The following SECISBP2L variants were observed in gnomAD, a reference collection of about 807,000 sequenced individuals.
The protein encoded by SECISBP2L is selenocysteine insertion sequence-binding protein 2-like.
SECISBP2L carries 43 observed loss-of-function variants against 114.7 expected under a neutral mutation model. The observed-to-expected ratio is 0.38, with a 90% CI of 0.29 to 0.48. The LOEUF (loss-of-function observed/expected upper bound fraction) is 0.48, where lower values mean the gene tolerates loss of function less well. SECISBP2L is among the 20% of genes least tolerant of loss of function. The pLI is 0.98. For synonymous variants in SECISBP2L, 451 were observed against 439.7 expected (o/e 1.03, Z -0.32); for missense variants, 1,136 against 1,301.1 (o/e 0.87, Z 1.95).
chr15:49,021,024 C>A (rs1902631176), intron 7 of SECISBP2L, among the ~76,000 whole-genome samples: 1 of 151,926 alleles, frequency 6.6e-6, no homozygotes, highest in Non-Finnish European at 1.5e-5. Context: ...CCCAATACGC[C>A]CTCCGCCCAC....
Position 48,992,222 on chromosome 15 carries a change from T to G in SECISBP2L, c.*22A>C. On this transcript the variant is annotated 3_prime_UTR_variant, in exon 18 of 18. Coordinates refer to ENST00000559471, the MANE Select transcript of SECISBP2L (RefSeq NM_001193489.2). ...GCTGCAACCCTTCCACAGCTGGAGA[T>G]AGAGAGCCGACATTTCCTGAGTTAC... is the stretch of plus-strand genomic sequence containing the variant. The G allele has an allele frequency of 1.9e-6, 3 of 1,575,228 alleles. No homozygotes were observed. Among genetic ancestry groups the G allele is most frequent in the Non-Finnish European group, 2.6e-6 (3 of 1,160,070 alleles).
At chr15:48,999,749 A>C in intron 16 of SECISBP2L, 84 bp downstream of exon 16, 1 of 1,447,518 alleles carries the variant, frequency 6.9e-7, no homozygotes, top group Non-Finnish European at 9.4e-7. Context: ...ATGCTTAAAC[A>C]TAACACTGGC....
At chr15:49,008,121 A>G (rs1043772407) in intron 14 of SECISBP2L, among the ~76,000 whole-genome samples, 1 of 152,186 alleles carries the variant, frequency 6.6e-6, no homozygotes, top group Admixed American at 6.5e-5. Flanking sequence ...GTCTACCATA[A>G]GCAGGTACTT....
In SECISBP2L at chr15:49,030,649, C is replaced by T. The variant is rs147381147; in HGVS notation, c.665-1967G>A. On this transcript the variant is annotated intron_variant, in intron 4 of 17. Coordinates refer to ENST00000559471, the MANE Select transcript of SECISBP2L (RefSeq NM_001193489.2). The stretch of plus-strand genomic sequence containing the variant: ...GATTTTAGAAATAGTTCCCTCCCTG[C>T]AGTCATAAAGTTATCTGCCTATATT... Among the ~76,000 whole-genome samples the T allele has an allele frequency of 2.3e-4, 35 of 152,298 alleles. 1 individual carries two copies. Among genetic ancestry groups the T allele is most frequent in the African/African-American group, 7.9e-4 (33 of 41,564 alleles).
At chr15:49,024,741 G>A (rs867413714) in intron 7 of SECISBP2L, among the ~76,000 whole-genome samples, 13 of 151,704 alleles carry the variant, frequency 8.6e-5, no homozygotes, top group Non-Finnish European at 1.2e-4. Flanking sequence ...TTGCAAATAG[G>A]GAAAAACATT....
intron 4 of SECISBP2L, among the ~76,000 whole-genome samples, chr15:49,029,167 T>C (rs932575194): frequency 2.6e-5 from 4 of 152,242 alleles, no homozygotes; most frequent in Admixed American, 1.3e-4. Flanking sequence ...ATGTTCTATA[T>C]GTTTTTTATT....
chr15:49,033,125 AC>A, intron 3 of SECISBP2L, 25 bp from the exon 4 acceptor site: 1 of 1,599,844 alleles, frequency 6.3e-7, no homozygotes, highest in Non-Finnish European at 8.5e-7. Context: ...AAACAAAAAA[AC>A]AAAAAACACA....
At chr15:49,011,286 A>G (rs1046245390) in intron 13 of SECISBP2L, among the ~76,000 whole-genome samples, 1 of 152,232 alleles carries the variant, frequency 6.6e-6, no homozygotes, top group Non-Finnish European at 1.5e-5. Context: ...GACCAACTAG[A>G]TTCTGCTTTG....
intron 4 of SECISBP2L, among the ~76,000 whole-genome samples, chr15:49,029,769 A>G (rs1902844962): frequency 6.6e-6 from 1 of 152,096 alleles, no homozygotes; most frequent in African/African-American, 2.4e-5. Flanking sequence ...AGTAGTATAT[A>G]CCCCCAATGA....
At chr15:49,013,294 T>C (rs916751918) in intron 11 of SECISBP2L, among the ~76,000 whole-genome samples, 3 of 151,972 alleles carry the variant, frequency 2.0e-5, no homozygotes, top group Non-Finnish European at 4.4e-5. Flanking sequence ...TATTTTTATT[T>C]ATTTATTTAT....
chr15:49,019,914 A>G (rs1902607966), intron 7 of SECISBP2L, among the ~76,000 whole-genome samples: 1 of 152,234 alleles, frequency 6.6e-6, no homozygotes, highest in Non-Finnish European at 1.5e-5. Flanking sequence ...AAAAAGGAAT[A>G]AACTACAGTA....
intron 2 of SECISBP2L, 29 bp from the exon 3 acceptor site, chr15:49,035,687 T>C (rs1566862846): frequency 6.4e-7 from 1 of 1,572,468 alleles, no homozygotes; most frequent in East Asian, 2.3e-5. Context: ...GAAGAACAAA[T>C]CTATTGACAA....
chr15:49,037,798 A>G (rs929659240), intron 1 of SECISBP2L, 29 bp from the exon 2 acceptor site: 1 of 1,558,470 alleles, frequency 6.4e-7, no homozygotes, highest in Non-Finnish European at 8.7e-7. Context: ...ATACATTAAT[A>G]ACAAATGAGC....
rs762792976 is a variant in SECISBP2L at position 48,999,945 on chromosome 15, C to T, written c.2291G>A (p.Arg764Gln). The T allele has an allele frequency of 2.5e-5, 40 of 1,613,774 alleles. No homozygotes were observed. Among genetic ancestry groups the T allele is most frequent in the Non-Finnish European group, 2.8e-5 (33 of 1,179,888 alleles). ...AAACACAAAAGGAATTTCTTGTTCCCGTGCCATGGCTATAACATTATAGAG... is the reference window on the plus strand; with the variant it reads ...AAACACAAAAGGAATTTCTTGTTCCTGTGCCATGGCTATAACATTATAGAG... The part of the protein sequence containing the change: ...EALYNVIAMA[R>Q]EQEIPFVFAL... Residue 764 changes from arginine to glutamine, a missense_variant, in exon 16 of 18, where the codon CGG becomes CAG. Around this residue, in one of 2 missense-constraint regions of SECISBP2L, gnomAD observed 684 missense variants for 848.7 expected, o/e 0.81. Transcript: ENST00000559471.
At chr15:49,031,136 C>T (rs574302245) in intron 4 of SECISBP2L, among the ~76,000 whole-genome samples, 11 of 150,172 alleles carry the variant, frequency 7.3e-5, no homozygotes, top group South Asian at 4.2e-4. Flanking sequence ...GCAACCTCCG[C>T]CTACCAGGTT....
intron 7 of SECISBP2L, among the ~76,000 whole-genome samples, chr15:49,022,144 G>A (rs1292964044): frequency 6.6e-6 from 1 of 152,046 alleles, no homozygotes; most frequent in Non-Finnish European, 1.5e-5. Context: ...CTGAGACAGG[G>A]TCTCATTCTG....
chr15:48,995,323 T>A (rs1207583645), intron 17 of SECISBP2L, among the ~76,000 whole-genome samples: 2 of 152,188 alleles, frequency 1.3e-5, no homozygotes, highest in Non-Finnish European at 2.9e-5. Context: ...GAAACATGTC[T>A]GCCTCTAAAC....
chr15:48,988,921 T>C lies in SECISBP2L; in HGVS notation c.*3323A>G. On this transcript the variant is annotated 3_prime_UTR_variant, in exon 18 of 18. Transcript: ENST00000559471. Reference sequence around the variant, plus strand: ...TGATGTGCCAACAAAATTTAAATTTTTCTCATTAGGATTCAGATTTCAGAT... The same window carrying C: ...TGATGTGCCAACAAAATTTAAATTTCTCTCATTAGGATTCAGATTTCAGAT... The C allele has an allele frequency of 5.8e-6, 1 of 172,152 alleles. No individual in the cohort carries two copies. The highest frequency in any genetic ancestry group is 1.3e-5 in the Non-Finnish European group (1 of 79,946). The allele number at this position is 172,152 out of a possible 1,614,324, so 10.7% of individuals were successfully genotyped here. A position where few individuals can be genotyped will look rare whatever the true frequency, so the allele number is the denominator to read the frequency against.
rs1468786397 is a variant in SECISBP2L at position 49,033,034 on chromosome 15, C to G, written c.595G>C (p.Glu199Gln). ...CTATCAGGACCTGCTGCATTTGTTT[C>G]TTTCTGAGTAGCTACATTTTTCACC... ...PLVKNVATQKETNAAGPDSRS... is the reference protein window; with the variant it reads ...PLVKNVATQKQTNAAGPDSRS... The change falls in exon 4 of 18, where the codon GAA becomes CAA. Residue 199 changes from glutamate to glutamine, a missense_variant. Physicochemically the swap from Glu to Gln is conservative, Grantham distance 29. Around this residue, in one of 2 missense-constraint regions of SECISBP2L, gnomAD observed 452 missense variants for 452.3 expected, o/e 1.00. Coordinates refer to ENST00000559471, the MANE Select transcript of SECISBP2L (RefSeq NM_001193489.2). The G allele has an allele frequency of 2.5e-6, 4 of 1,613,888 alleles. No homozygotes were observed. The highest frequency in any genetic ancestry group is 3.4e-6 in the Non-Finnish European group (4 of 1,179,986).
Sources: allele counts gnomAD v4.1 joint callset (sites outside exome capture counted in the v4.1 genomes callset), GRCh38; gene constraint gnomAD v4.1.1; regional missense constraint gnomAD v4.1.1; transcripts MANE v1.5; gene names NCBI Gene and HGNC (gene_info 2026-07-23, HGNC 2026-07-21).